The following JCAD variants were observed in gnomAD, a reference collection of about 807,000 sequenced individuals.
JCAD encodes junctional cadherin 5-associated protein.
Under a neutral mutation model 98.0 loss-of-function variants are expected in JCAD, and 40 were observed. That is an observed-to-expected ratio of 0.41 (90% confidence interval 0.32 to 0.53). The LOEUF is 0.53. JCAD is among the 20% of genes least tolerant of loss of function. The pLI is 0.31. For synonymous variants in JCAD, 691 were observed against 682.3 expected (o/e 1.01, Z -0.20); for missense variants, 1,705 against 1,738.1 (o/e 0.98, Z 0.34).
intron 1 of JCAD, among the ~76,000 whole-genome samples, chr10:30,055,793 G>A (rs1268557365): frequency 6.6e-6 from 1 of 152,138 alleles, no homozygotes; most frequent in Non-Finnish European, 1.5e-5. Flanking sequence ...AATCTTGCTG[G>A]GGTGGATTGG....
intron 1 of JCAD, among the ~76,000 whole-genome samples, chr10:30,079,143 C>T (rs979721182): frequency 4.6e-5 from 7 of 151,960 alleles, no homozygotes; most frequent in Admixed American, 1.3e-4. Context: ...GGGCAGATCA[C>T]GAGGTCAGGA....
At chr10:30,074,829 C>G (rs1240909016) in intron 1 of JCAD, among the ~76,000 whole-genome samples, 1 of 152,060 alleles carries the variant, frequency 6.6e-6, no homozygotes, top group Non-Finnish European at 1.5e-5. Flanking sequence ...ATCTCCCTCT[C>G]TCACCCAGGC....
At chr10:30,051,604 T>C (rs924160979) in intron 1 of JCAD, among the ~76,000 whole-genome samples, 8 of 152,210 alleles carry the variant, frequency 5.3e-5, no homozygotes, top group African/African-American at 1.7e-4. Flanking sequence ...TAGCCATTCT[T>C]ATCTGCAACA....
At chr10:30,096,358 C>T (rs920003582) in intron 1 of JCAD, among the ~76,000 whole-genome samples, 1 of 152,202 alleles carries the variant, frequency 6.6e-6, no homozygotes, top group Non-Finnish European at 1.5e-5. Flanking sequence ...AAAATGCTAC[C>T]TACCTTGCAG....
chr10:30,024,777 G>C (rs1416808996), intron 3 of JCAD, among the ~76,000 whole-genome samples: 1 of 142,076 alleles, frequency 7.0e-6, no homozygotes, highest in Non-Finnish European at 1.5e-5. Flanking sequence ...CTCACCACAA[G>C]CTCCGCCTCC....
At chr10:30,047,947 C>T in intron 1 of JCAD, 76 bp from the exon 2 acceptor site, 1 of 862,480 alleles carries the variant, frequency 1.2e-6, no homozygotes. Flanking sequence ...CTCCCGTGGT[C>T]CCCCCACCAA....
chr10:30,101,826 G>A (rs1838475467), intron 1 of JCAD, among the ~76,000 whole-genome samples: 1 of 152,172 alleles, frequency 6.6e-6, no homozygotes, highest in South Asian at 2.1e-4. Flanking sequence ...TCAGTGAAAG[G>A]GGAGATTATC....
At chr10:30,096,259 G>A (rs959751113) in intron 1 of JCAD, among the ~76,000 whole-genome samples, 13 of 152,230 alleles carry the variant, frequency 8.5e-5, no homozygotes, top group South Asian at 8.3e-4. Flanking sequence ...GATGATGGGC[G>A]GCCCCACCAA....
chr10:30,054,166 C>T (rs890038961), intron 1 of JCAD, among the ~76,000 whole-genome samples: 3 of 152,082 alleles, frequency 2.0e-5, no homozygotes, highest in African/African-American at 4.8e-5. Context: ...CGTGATACCA[C>T]GCTAAATAAT....
At chr10:30,038,688 TAAAA>T (rs11402293) in intron 2 of JCAD, among the ~76,000 whole-genome samples, 8 of 122,030 alleles carry the variant, frequency 6.6e-5, no homozygotes, top group South Asian at 2.7e-4. Flanking sequence ...TGTCTCAAAA[TAAAA>T]AAAAAAAAAA....
chr10:30,042,698 C>T (rs1184601505), intron 2 of JCAD, among the ~76,000 whole-genome samples: 1 of 152,148 alleles, frequency 6.6e-6, no homozygotes, highest in African/African-American at 2.4e-5. Context: ...GACACCTTCT[C>T]ATTCCATTTC....
rs1198107053 is a variant in JCAD at position 30,092,034 on chromosome 10, C to CAA, written n.129-22215_129-22214dup. On this transcript the variant is annotated intron_variant and non_coding_transcript_variant, in intron 1 of 2. Coordinates refer to the JCAD transcript ENST00000465712. ...CAGAGCGAGACTCCATCCCCCACCA[C>CAA]AAAAAAAAAAAAAAAAAAAAAAAAA... 3.7e-4 allele frequency among the ~76,000 whole-genome samples: 13 copies of CAA among 35,412 alleles called. 1 individual carries two copies. Among genetic ancestry groups the CAA allele is most frequent in the Admixed American group, 6.4e-4 (1 of 1,574 alleles). The allele number at this position is 35,412 out of a possible 152,430, so 23.2% of individuals were successfully genotyped here.
chr10:30,073,669 C>CCTTCCTTG (rs1837932867), intron 1 of JCAD, among the ~76,000 whole-genome samples: 2 of 107,132 alleles, frequency 1.9e-5, no homozygotes, highest in East Asian at 2.4e-4. Flanking sequence ...TTCCTTCCTT[C>CCTTCCTTG]CTTCCTTCCT....
At chr10:30,081,652 G>T (rs1363318483) in intron 1 of JCAD, among the ~76,000 whole-genome samples, 1 of 152,052 alleles carries the variant, frequency 6.6e-6, no homozygotes, top group African/African-American at 2.4e-5. Context: ...GGCTGGTCTC[G>T]AACTCTTGGC....
intron 1 of JCAD, among the ~76,000 whole-genome samples, chr10:30,048,850 G>A (rs564365517): frequency 3.9e-5 from 6 of 152,236 alleles, no homozygotes; most frequent in African/African-American, 7.2e-5. Context: ...TTACAGCCAT[G>A]AGCCACCACA....
Position 30,027,081 on chromosome 10 carries a change from C to G in JCAD, c.3067G>C (p.Asp1023His), listed in dbSNP as rs1836832585. 6.2e-7 allele frequency: 1 copy of G among 1,614,118 alleles called. No homozygotes were observed. Among genetic ancestry groups the G allele is most frequent in the Non-Finnish European group, 8.5e-7 (1 of 1,180,050 alleles). Residue 1023 changes from aspartate (D) to histidine (H), a missense_variant, in exon 3 of 4, where the codon GAC (aspartate) becomes CAC (histidine). Asp to His is a moderately conservative substitution (Grantham distance 81). Coordinates refer to ENST00000375377, the MANE Select transcript of JCAD (RefSeq NM_020848.4). The part of the protein sequence containing the change: ...KPSEAVPRKF[D>H]SGGERGAGLP... ...CCTGCCCCCCTCTCTCCACCACTGTCAAACTTCCGAGGGACCGCTTCACTT... is the reference window on the plus strand; with the variant it reads ...CCTGCCCCCCTCTCTCCACCACTGTGAAACTTCCGAGGGACCGCTTCACTT...
intron 1 of JCAD, among the ~76,000 whole-genome samples, chr10:30,049,334 A>G (rs1292323559): frequency 6.6e-6 from 1 of 152,320 alleles, no homozygotes; most frequent in East Asian, 1.9e-4. Flanking sequence ...TGGCCAGGAA[A>G]CGCCTGCTGG....
chr10:30,091,480 G>T (rs977774641), intron 1 of JCAD, among the ~76,000 whole-genome samples: 2 of 151,966 alleles, frequency 1.3e-5, no homozygotes, highest in African/African-American at 4.8e-5. Flanking sequence ...GGCCAGACTG[G>T]TCTTGAACTC....
chr10:30,107,204 C>T (rs1838600905), intron 1 of JCAD, among the ~76,000 whole-genome samples: 1 of 152,116 alleles, frequency 6.6e-6, no homozygotes, highest in Non-Finnish European at 1.5e-5. Context: ...GCTGCATTTC[C>T]AGTAGGTTAG....
Sources: allele counts gnomAD v4.1 joint callset (sites outside exome capture counted in the v4.1 genomes callset), GRCh38; gene constraint gnomAD v4.1.1; transcripts MANE v1.5; gene names NCBI Gene and HGNC (gene_info 2026-07-23, HGNC 2026-07-21).